The following CCDC83 variants were observed in gnomAD, a reference collection of about 807,000 sequenced individuals.
CCDC83 encodes coiled-coil domain containing 83.
In CCDC83, 54 loss-of-function variants were observed where a neutral mutation model predicts 50.1. The observed-to-expected ratio is 1.08, with a 90% CI of 0.87 to 1.35. CCDC83 has a LOEUF of 1.35. Ranked by LOEUF, CCDC83 falls within the 40% of genes most tolerant of loss-of-function variation. CCDC83 has a pLI of 0.00. For missense variants in CCDC83, 518 were observed against 473.9 expected, an observed-to-expected ratio of 1.09 and a Z score of -0.86; for synonymous variants, 161 against 153.3, an observed-to-expected ratio of 1.05 and a Z score of -0.37.
intron 7 of CCDC83, among the ~76,000 whole-genome samples, chr11:85,901,351 T>A (rs900178113): frequency 6.6e-6 from 1 of 151,928 alleles, no homozygotes; most frequent in African/African-American, 2.4e-5. Flanking sequence ...TGCAGGAGGA[T>A]TGCTTTAGCC....
At chr11:85,915,243 T>C (rs551615623) in intron 8 of CCDC83, among the ~76,000 whole-genome samples, 176 bp from the exon 9 acceptor site, 1 of 152,324 alleles carries the variant, frequency 6.6e-6, no homozygotes, top group Non-Finnish European at 1.5e-5. Context: ...ACACCATGAC[T>C]TTAAAATACC....
chr11:85,882,658 A>G lies in CCDC83; in HGVS notation c.326A>G (p.Gln109Arg), dbSNP rs2093307054. Residue 109 changes from glutamine (Q) to arginine (R), a missense_variant, in exon 4 of 11, where the codon CAG becomes CGG. Transcript: ENST00000342404. ...MKEKWKFERD[Q>R]EKNLRDMRMQ... is the part of the protein sequence containing the mutation. The stretch of plus-strand genomic sequence containing the variant: ...GAAAAATGGAAGTTTGAAAGAGACC[A>G]GGAAAAAAACTTGAGAGGTGATTTA... 6.2e-7 allele frequency: 1 copy of G among 1,613,718 alleles called. No homozygotes were observed. Among genetic ancestry groups the G allele is most frequent in the Non-Finnish European group, 8.5e-7 (1 of 1,179,890 alleles).
chr11:85,917,467 G>A (rs188208586), intron 10 of CCDC83, among the ~76,000 whole-genome samples: 1 of 152,286 alleles, frequency 6.6e-6, no homozygotes, highest in East Asian at 1.9e-4. Context: ...AGAAGCACTT[G>A]GGATAGGATA....
intron 5 of CCDC83, among the ~76,000 whole-genome samples, chr11:85,894,716 T>C (rs1003350275): frequency 6.6e-6 from 1 of 152,196 alleles, no homozygotes; most frequent in Admixed American, 6.5e-5. Context: ...TCTTACATAC[T>C]GTTTGGCATA....
intron 10 of CCDC83, among the ~76,000 whole-genome samples, chr11:85,918,532 G>C (rs532599890): frequency 6.6e-6 from 1 of 152,298 alleles, no homozygotes; most frequent in African/African-American, 2.4e-5. Context: ...GTTGGCTATG[G>C]ATTTCATATC....
At position 85,916,193 on chromosome 11, in the gene CCDC83, A is replaced by T. The variant is rs1399554304; in HGVS notation, c.1040A>T (p.Asp347Val). ...ENSGTEFGDT[D>V]MKYLLYEDEK... is the part of the protein sequence containing the mutation. ...TCAGGCACAGAGTTTGGGGACACTG[A>T]TATGAAGTACTTACTATATGAGGAT... Residue 347 changes from aspartate to valine, a missense_variant, in exon 10 of 11, where the codon GAT (aspartate) becomes GTT (valine). Asp to Val is a radical substitution (Grantham distance 152). Transcript: ENST00000342404. The T allele has an allele frequency of 6.2e-6, 10 of 1,613,078 alleles. No homozygotes were observed. Among genetic ancestry groups the T allele is most frequent in the Non-Finnish European group, 8.5e-6 (10 of 1,179,342 alleles).
intron 8 of CCDC83, chr11:85,912,729 C>G (rs1226889980): frequency 1.2e-6 from 2 of 1,604,220 alleles, no homozygotes; most frequent in African/African-American, 2.7e-5. Context: ...CTAATCTCTG[C>G]CAGGCGTTGC....
intron 5 of CCDC83, among the ~76,000 whole-genome samples, chr11:85,891,425 A>G (rs2093350030): frequency 6.6e-6 from 1 of 152,182 alleles, no homozygotes; most frequent in South Asian, 2.1e-4. Flanking sequence ...AACAGTCACT[A>G]ACATATCCAG....
chr11:85,915,370 A>C, intron 8 of CCDC83, 49 bp from the exon 9 acceptor site: 1 of 1,283,702 alleles, frequency 7.8e-7, no homozygotes, highest in African/African-American at 1.5e-5. Context: ...TAAGCATGCA[A>C]TGCAATATTT....
intron 5 of CCDC83, among the ~76,000 whole-genome samples, chr11:85,891,341 C>T (rs909812797): frequency 8.5e-5 from 13 of 152,104 alleles, no homozygotes; most frequent in South Asian, 2.1e-4. Context: ...ACCCAGGGGG[C>T]GAGGAGGAGA....
intron 7 of CCDC83, among the ~76,000 whole-genome samples, chr11:85,903,841 C>T (rs2093413214): frequency 6.6e-6 from 1 of 152,106 alleles, no homozygotes; most frequent in Non-Finnish European, 1.5e-5. Context: ...CATAAACCTG[C>T]CTGTAGTCCC....
At chr11:85,886,461 T>C (rs2093327513) in intron 5 of CCDC83, 94 bp downstream of exon 5, 10 of 973,672 alleles carry the variant, frequency 1.0e-5, no homozygotes, top group South Asian at 2.3e-5. Context: ...CCCTGAATCA[T>C]TCATTACTCT....
intron 7 of CCDC83, among the ~76,000 whole-genome samples, chr11:85,904,221 G>C (rs117852060): frequency 0.022 from 3,352 of 152,226 alleles, 42 homozygotes; most frequent in Non-Finnish European, 0.034. Flanking sequence ...GATACTAAGA[G>C]AGTTCTCATA....
At chr11:85,908,809 A>T (rs1316112306) in intron 7 of CCDC83, among the ~76,000 whole-genome samples, 3 of 151,756 alleles carry the variant, frequency 2.0e-5, no homozygotes, top group Non-Finnish European at 2.9e-5. Context: ...GCTACTCAGG[A>T]GGCTGAGGTG....
intron 5 of CCDC83, among the ~76,000 whole-genome samples, chr11:85,886,938 A>G (rs2093329924): frequency 6.6e-6 from 1 of 152,154 alleles, no homozygotes; most frequent in African/African-American, 2.4e-5. Context: ...ATCTTCATTC[A>G]ATGGATGGGG....
In CCDC83 at chr11:85,895,368, A is replaced by T; in HGVS notation, c.587A>T (p.Lys196Met). Residue 196 changes from lysine to methionine, a missense_variant, in exon 6 of 11, where the codon AAG (lysine) becomes ATG (methionine). Physicochemically the swap from Lys to Met is moderately conservative, Grantham distance 95. Coordinates refer to ENST00000342404, the MANE Select transcript of CCDC83 (RefSeq NM_001286159.2). ...ACTTTGTTGCAACTGGACCAAAAGA[A>T]GGAATGGGCCACACAGGTATAATTC... is the stretch of plus-strand genomic sequence containing the variant. ...KETLLQLDQKKEWATQNAVKL... is the reference protein window; with the variant it reads ...KETLLQLDQKMEWATQNAVKL... The T allele has an allele frequency of 6.3e-7, 1 of 1,575,692 alleles. No individual in the cohort carries two copies. Among genetic ancestry groups the T allele is most frequent in the South Asian group, 1.1e-5 (1 of 87,560 alleles).
At chr11:85,903,444 G>C (rs1037107934) in intron 7 of CCDC83, among the ~76,000 whole-genome samples, 1 of 151,276 alleles carries the variant, frequency 6.6e-6, no homozygotes, top group African/African-American at 2.4e-5. Flanking sequence ...ACAGGCACAT[G>C]CCACCACGTT....
At chr11:85,908,415 T>C (rs989768483) in intron 7 of CCDC83, among the ~76,000 whole-genome samples, 3 of 151,822 alleles carry the variant, frequency 2.0e-5, no homozygotes, top group African/African-American at 7.3e-5. Context: ...TAGCTGGGCA[T>C]GGTGGCGGGC....
At position 85,918,773 on chromosome 11, in the gene CCDC83, A is replaced by G. The variant is rs1002352904; in HGVS notation, c.1081-576A>G. On this transcript the variant is annotated intron_variant, in intron 10 of 10. Transcript: ENST00000342404. ...AAAGTGGGCTGGAGGGGAAAGCAGGAAGGTATGGTCATCCACATGTTGCAA... is the reference window on the plus strand; with the variant it reads ...AAAGTGGGCTGGAGGGGAAAGCAGGGAGGTATGGTCATCCACATGTTGCAA... Among the ~76,000 whole-genome samples, 13 of 152,192 alleles carry G rather than the reference A, an allele frequency of 8.5e-5. 1 individual carries two copies. The highest frequency in any genetic ancestry group is 3.1e-4 in the African/African-American group (13 of 41,450).
Sources: gnomAD v4.1 joint callset for allele counts (sites outside exome capture counted in the v4.1 genomes callset) on GRCh38, gnomAD v4.1.1 for gene constraint, MANE v1.5 for transcripts, NCBI Gene and HGNC (gene_info 2026-07-23, HGNC 2026-07-21) for gene names.